The following ABTB3 variants were observed in gnomAD, a reference collection of about 807,000 sequenced individuals.
ABTB3 encodes ankyrin repeat and BTB domain containing 3, also known as ankyrin repeat- and BTB/POZ domain-containing protein 3.
the ABTB3 span, among the ~76,000 whole-genome samples, chr12:107,410,104 T>A: frequency 6.6e-6 from 1 of 151,464 alleles, no homozygotes; most frequent in African/African-American, 2.4e-5. Flanking sequence ...CCAGAGCACA[T>A]CGGCCCAGCC....
the ABTB3 span, among the ~76,000 whole-genome samples, chr12:107,555,114 A>G: frequency 1.3e-5 from 2 of 152,178 alleles, no homozygotes; most frequent in African/African-American, 2.4e-5. Flanking sequence ...GATAGCTTCG[A>G]GCATCCCAAT....
chr12:107,655,446 T>TG, the ABTB3 span, among the ~76,000 whole-genome samples: 2 of 152,200 alleles, frequency 1.3e-5, no homozygotes, highest in Non-Finnish European at 2.9e-5. Flanking sequence ...TGTGCACTGC[T>TG]TCCCCTGTGC....
At chr12:107,641,056 G>C in the ABTB3 span, among the ~76,000 whole-genome samples, 1 of 152,122 alleles carries the variant, frequency 6.6e-6, no homozygotes, top group African/African-American at 2.4e-5. Context: ...GTGGCGAGCA[G>C]GGGGTCCCTG....
At chr12:107,518,674 G>T in the ABTB3 span, among the ~76,000 whole-genome samples, 1 of 152,038 alleles carries the variant, frequency 6.6e-6, no homozygotes, top group Non-Finnish European at 1.5e-5. Context: ...AATGGGTGCA[G>T]CACACCAACA....
the ABTB3 span, among the ~76,000 whole-genome samples, chr12:107,543,096 G>A: frequency 6.6e-6 from 1 of 152,186 alleles, no homozygotes; most frequent in African/African-American, 2.4e-5. Flanking sequence ...AGCACTTTGG[G>A]AGGCAGAGGC....
chr12:107,647,103 G>GA, the ABTB3 span, among the ~76,000 whole-genome samples: 1 of 152,128 alleles, frequency 6.6e-6, no homozygotes, highest in Non-Finnish European at 1.5e-5. Context: ...CCCAAGGGAG[G>GA]AAGATCACTT....
the ABTB3 span, among the ~76,000 whole-genome samples, chr12:107,384,927 A>T: frequency 6.6e-6 from 1 of 152,232 alleles, no homozygotes; most frequent in African/African-American, 2.4e-5. Context: ...CCAAGGCGAT[A>T]GCTTGGACTT....
At chr12:107,572,188 A>T in the ABTB3 span, among the ~76,000 whole-genome samples, 2 of 152,152 alleles carry the variant, frequency 1.3e-5, no homozygotes, top group Non-Finnish European at 2.9e-5. Context: ...AGAAGGAGAA[A>T]GTAATGCAAG....
chr12:107,457,453 C>T, the ABTB3 span, among the ~76,000 whole-genome samples: 9 of 152,154 alleles, frequency 5.9e-5, no homozygotes, highest in Admixed American at 4.6e-4. Context: ...TTGGTTATGC[C>T]GAAAGATTTC....
the ABTB3 span, among the ~76,000 whole-genome samples, chr12:107,484,107 G>A: frequency 6.6e-6 from 1 of 152,304 alleles, no homozygotes; most frequent in African/African-American, 2.4e-5. Context: ...AGGTGCTAGG[G>A]ATGGAGAAGG....
the ABTB3 span, among the ~76,000 whole-genome samples, chr12:107,414,049 A>G: frequency 6.6e-6 from 1 of 152,212 alleles, no homozygotes; most frequent in Admixed American, 6.5e-5. Flanking sequence ...CGAAGTATGG[A>G]AAGAGTATGT....
the ABTB3 span, among the ~76,000 whole-genome samples, chr12:107,390,070 T>C: frequency 6.6e-6 from 1 of 152,078 alleles, no homozygotes; most frequent in African/African-American, 2.4e-5. Flanking sequence ...TGGCCAAAGT[T>C]CTGGCTAGAT....
chr12:107,324,632 G>A, the ABTB3 span, among the ~76,000 whole-genome samples: 1 of 152,010 alleles, frequency 6.6e-6, no homozygotes, highest in Non-Finnish European at 1.5e-5. Flanking sequence ...ATATGCATTT[G>A]TCAAACGGGG....
the ABTB3 span, among the ~76,000 whole-genome samples, chr12:107,381,111 T>C: frequency 6.6e-6 from 1 of 152,194 alleles, no homozygotes; most frequent in East Asian, 1.9e-4. Flanking sequence ...TACTCTCTTT[T>C]CCTCTATTCT....
At chr12:107,605,071 A>G in the ABTB3 span, among the ~76,000 whole-genome samples, 1 of 152,236 alleles carries the variant, frequency 6.6e-6, no homozygotes, top group Non-Finnish European at 1.5e-5. Flanking sequence ...GAGGTAAGTA[A>G]TGCATATGGT....
At chr12:107,396,027 G>A in the ABTB3 span, among the ~76,000 whole-genome samples, 1 of 152,212 alleles carries the variant, frequency 6.6e-6, no homozygotes, top group African/African-American at 2.4e-5. Context: ...TGTTAGTCTT[G>A]ACTCCAGCAG....
At chr12:107,422,010 GA>G in the ABTB3 span, among the ~76,000 whole-genome samples, 1 of 152,056 alleles carries the variant, frequency 6.6e-6, no homozygotes, top group East Asian at 1.9e-4. Context: ...AAAGTACAAA[GA>G]AAAAAATATA....
At chr12:107,326,477 G>T in the ABTB3 span, among the ~76,000 whole-genome samples, 1 of 152,220 alleles carries the variant, frequency 6.6e-6, no homozygotes. Context: ...GCTAAGCCTG[G>T]AGGGACTTAA....
the ABTB3 span, among the ~76,000 whole-genome samples, chr12:107,652,264 C>G: frequency 6.6e-6 from 1 of 152,226 alleles, no homozygotes; most frequent in Non-Finnish European, 1.5e-5. Context: ...TGAGGGGGGA[C>G]CCAGCCACCT....
Sources: allele counts gnomAD v4.1 joint callset (sites outside exome capture counted in the v4.1 genomes callset), GRCh38; gene constraint gnomAD v4.1.1; transcripts MANE v1.5; gene names NCBI Gene and HGNC (gene_info 2026-07-23, HGNC 2026-07-21).